The following TENM2 variants were observed in gnomAD, a reference collection of about 807,000 sequenced individuals.
TENM2 encodes teneurin transmembrane protein 2.
A neutral mutation model predicts 245.2 loss-of-function variants in TENM2; 52 were observed. That is an observed-to-expected ratio of 0.21 (90% CI 0.17 to 0.27). The LOEUF (loss-of-function observed/expected upper bound fraction) is 0.27, where lower values mean the gene tolerates loss of function less well. Ranked by LOEUF, TENM2 falls within the 10% of genes least tolerant of loss-of-function variation. TENM2 has a pLI of 1.00. For missense variants in TENM2, 3,046 were observed against 3,666.8 expected (o/e 0.83, Z 4.37); for synonymous variants, 1,363 against 1,438.9 (o/e 0.95, Z 1.19).
intron 12 of TENM2, among the ~76,000 whole-genome samples, chr5:168,152,140 G>A (rs146422904): frequency 0.015 from 2,249 of 152,282 alleles, 65 homozygotes; most frequent in African/African-American, 0.052. Flanking sequence ...TACCTACACC[G>A]TAGGGTTGTT....
chr5:168,197,310 A>G (rs933582628), intron 15 of TENM2, among the ~76,000 whole-genome samples: 2 of 152,220 alleles, frequency 1.3e-5, no homozygotes, highest in African/African-American at 4.8e-5. Context: ...CAGCGAGTCA[A>G]GTATATTTTT....
intron 5 of TENM2, among the ~76,000 whole-genome samples, chr5:168,039,766 T>C (rs1788021438): frequency 6.6e-6 from 1 of 151,992 alleles, no homozygotes; most frequent in Admixed American, 6.6e-5. Flanking sequence ...TTCTTATGTA[T>C]TGATCTTTCC....
intron 3 of TENM2, among the ~76,000 whole-genome samples, chr5:167,920,006 G>A (rs1031877234): frequency 2.0e-5 from 3 of 152,074 alleles, no homozygotes; most frequent in Non-Finnish European, 2.9e-5. Context: ...TCTGCATTTC[G>A]GAGTGCCTGA....
intron 2 of TENM2, among the ~76,000 whole-genome samples, chr5:167,421,207 G>A (rs140965425): frequency 8.2e-4 from 125 of 152,292 alleles, no homozygotes; most frequent in South Asian, 1.2e-3. Context: ...AGAAATATTA[G>A]TCTGACTTAG....
At chr5:167,521,793 C>T (rs1402896716) in intron 2 of TENM2, among the ~76,000 whole-genome samples, 1 of 152,110 alleles carries the variant, frequency 6.6e-6, no homozygotes, top group East Asian at 1.9e-4. Flanking sequence ...TTAGCTAATA[C>T]AGCACTGTGT....
intron 3 of TENM2, among the ~76,000 whole-genome samples, chr5:167,906,716 T>C (rs564820200): frequency 1.2e-4 from 19 of 152,280 alleles, no homozygotes; most frequent in African/African-American, 4.1e-4. Context: ...AAGTTGTGCA[T>C]TGGGGGGTGT....
the TENM2 span, among the ~76,000 whole-genome samples, chr5:167,177,374 G>A: frequency 6.6e-6 from 1 of 152,136 alleles, no homozygotes; most frequent in African/African-American, 2.4e-5. Flanking sequence ...AATGCAGAAG[G>A]CCAGTTGTTT....
intron 2 of TENM2, among the ~76,000 whole-genome samples, chr5:167,542,699 A>G (rs1269842775): frequency 1.3e-5 from 2 of 152,176 alleles, no homozygotes; most frequent in African/African-American, 2.4e-5. Context: ...CCAAACAAGA[A>G]CTTTACCTTT....
At chr5:167,224,250 G>A in the TENM2 span, among the ~76,000 whole-genome samples, 1 of 151,852 alleles carries the variant, frequency 6.6e-6, no homozygotes, top group African/African-American at 2.4e-5. Flanking sequence ...GAGGTCATAG[G>A]CATAAAGCAC....
intron 4 of TENM2, among the ~76,000 whole-genome samples, chr5:167,974,118 GGAAGGAAGGAAGGAAGGAAGGAAGGGAA>G (rs1782108037): frequency 2.6e-3 from 1 of 392 alleles, no homozygotes. Flanking sequence ...AAAGGAGGGA[GGAAGGAAGGAAGGAAGGAAGGAAGGGAA>G]GGAAGGAAGG....
chr5:167,850,066 A>G (rs907400141), intron 2 of TENM2, among the ~76,000 whole-genome samples: 1 of 152,176 alleles, frequency 6.6e-6, no homozygotes, highest in Non-Finnish European at 1.5e-5. Context: ...CAACACTCTA[A>G]TCATGCCTTG....
intron 4 of TENM2, among the ~76,000 whole-genome samples, chr5:167,977,828 T>G (rs975562291): frequency 6.6e-6 from 1 of 152,218 alleles, no homozygotes; most frequent in Non-Finnish European, 1.5e-5. Flanking sequence ...GACCATATTA[T>G]GTAGTTGGGA....
intron 3 of TENM2, among the ~76,000 whole-genome samples, chr5:167,879,639 G>A (rs534598414): frequency 6.6e-6 from 1 of 152,222 alleles, no homozygotes; most frequent in African/African-American, 2.4e-5. Context: ...TCTTCTAAAA[G>A]CACTGGCTTT....
At chr5:168,162,360 T>A (rs1757815820) in intron 12 of TENM2, among the ~76,000 whole-genome samples, 1 of 152,216 alleles carries the variant, frequency 6.6e-6, no homozygotes, top group African/African-American at 2.4e-5. Context: ...TGCATTGAAC[T>A]CCCCGCTTTG....
intron 5 of TENM2, among the ~76,000 whole-genome samples, chr5:168,022,892 G>C (rs556451104): frequency 6.6e-6 from 1 of 152,084 alleles, no homozygotes; most frequent in Non-Finnish European, 1.5e-5. Flanking sequence ...TGCCCCGCTC[G>C]AAGCCACACT....
At chr5:167,419,215 A>C (rs1254107611) in intron 2 of TENM2, among the ~76,000 whole-genome samples, 1 of 151,992 alleles carries the variant, frequency 6.6e-6, no homozygotes. Flanking sequence ...TAATTCCAGC[A>C]CTTTGGGAGG....
intron 2 of TENM2, among the ~76,000 whole-genome samples, chr5:167,819,368 G>C (rs1767321977): frequency 6.6e-6 from 1 of 152,204 alleles, no homozygotes. Flanking sequence ...CAAAACACAG[G>C]GATGCATGTT....
chr5:168,230,751 G>A (rs970334224), intron 25 of TENM2: 11 of 152,280 alleles, frequency 7.2e-5, no homozygotes, highest in Non-Finnish European at 8.8e-5. Flanking sequence ...TCAGTACCAC[G>A]GAACAAGGAG....
chr5:167,398,465 C>G (rs1234839997), intron 2 of TENM2, among the ~76,000 whole-genome samples: 1 of 139,086 alleles, frequency 7.2e-6, no homozygotes. Flanking sequence ...GGGTCTTGCT[C>G]TGTTGTGCAG....
Sources: gnomAD v4.1 joint callset for allele counts (sites outside exome capture counted in the v4.1 genomes callset) on GRCh38, gnomAD v4.1.1 for gene constraint, MANE v1.5 for transcripts, NCBI Gene and HGNC (gene_info 2026-07-23, HGNC 2026-07-21) for gene names.